Variants in CDK5RAP2 observed in about 807,000 individuals in gnomAD.
CDK5RAP2 encodes CDK5 regulatory subunit associated protein 2.
A neutral mutation model predicts 232.9 loss-of-function variants in CDK5RAP2; 147 were observed. The observed-to-expected ratio is 0.63, with a 90% CI of 0.55 to 0.72. CDK5RAP2 has a LOEUF of 0.72. Among genes scored for constraint, CDK5RAP2 ranks in the 30% least tolerant of loss-of-function variants. CDK5RAP2 has a pLI of 0.00. For synonymous variants in CDK5RAP2, 833 were observed against 833.7 expected, an observed-to-expected ratio of 1.00 and a Z score of 0.01; for missense variants, 2,195 against 2,231.5, an observed-to-expected ratio of 0.98 and a Z score of 0.33.
At chr9:120,517,719 C>T (rs2040400371) in intron 12 of CDK5RAP2, 1 of 179,400 alleles carries the variant, frequency 5.6e-6, no homozygotes, top group Admixed American at 5.5e-5. Context: ...ATACAACAGT[C>T]CTTAAAATAT....
chr9:120,574,636 G>C (rs1209598411), intron 1 of CDK5RAP2, among the ~76,000 whole-genome samples: 1 of 152,168 alleles, frequency 6.6e-6, no homozygotes, highest in Non-Finnish European at 1.5e-5. Context: ...CACAATCTAA[G>C]AAACCTGCCC....
chr9:120,457,358 C>T (rs1564245662), intron 20 of CDK5RAP2, among the ~76,000 whole-genome samples: 2 of 152,210 alleles, frequency 1.3e-5, no homozygotes, highest in Admixed American at 6.5e-5. Context: ...AGTACATTCC[C>T]ACATGGCCCT....
At chr9:120,455,734 G>GT (rs1264878481) in intron 20 of CDK5RAP2, among the ~76,000 whole-genome samples, 1 of 148,866 alleles carries the variant, frequency 6.7e-6, no homozygotes, top group Non-Finnish European at 1.5e-5. Context: ...CAAACCTTGT[G>GT]TCAAAAAAAA....
intron 2 of CDK5RAP2, among the ~76,000 whole-genome samples, chr9:120,569,304 G>T (rs913570912): frequency 6.6e-6 from 1 of 152,204 alleles, no homozygotes; most frequent in Non-Finnish European, 1.5e-5. Flanking sequence ...AAATGCAGCC[G>T]ATAGTCTAGA....
At chr9:120,476,551 T>C (rs977312926) in intron 15 of CDK5RAP2, among the ~76,000 whole-genome samples, 3 of 151,898 alleles carry the variant, frequency 2.0e-5, no homozygotes, top group Admixed American at 2.0e-4. Context: ...TGGTGGTATG[T>C]GCCTGTAGTC....
chr9:120,528,392 T>C (rs1564342546), intron 9 of CDK5RAP2, among the ~76,000 whole-genome samples: 2 of 152,342 alleles, frequency 1.3e-5, no homozygotes, highest in South Asian at 2.1e-4. Context: ...GTGAAAGCAC[T>C]TTCTAAGCTG....
At chr9:120,542,720 A>C (rs2041688037) in intron 5 of CDK5RAP2, among the ~76,000 whole-genome samples, 1 of 152,178 alleles carries the variant, frequency 6.6e-6, no homozygotes, top group African/African-American at 2.4e-5. Flanking sequence ...TTCCTGGCCT[A>C]TAGTCTCTCC....
At chr9:120,408,572 G>A (rs557792831) in intron 30 of CDK5RAP2, 104 bp from the exon 31 acceptor site, 1 of 1,268,218 alleles carries the variant, frequency 7.9e-7, no homozygotes. Flanking sequence ...TCACAAGAGT[G>A]TGGACCAAGA....
chr9:120,519,250 CTA>C (rs1302548658), intron 11 of CDK5RAP2, among the ~76,000 whole-genome samples: 3 of 151,710 alleles, frequency 2.0e-5, no homozygotes, highest in African/African-American at 7.3e-5. Flanking sequence ...TTGGGTGGGA[CTA>C]TAGTTACTTT....
intron 12 of CDK5RAP2, among the ~76,000 whole-genome samples, chr9:120,493,329 G>T (rs1214235853): frequency 6.6e-6 from 1 of 152,254 alleles, no homozygotes; most frequent in Non-Finnish European, 1.5e-5. Context: ...AGCAGCAATA[G>T]AAGCTAATAA....
chr9:120,560,183 G>A (rs2042411873), intron 3 of CDK5RAP2, among the ~76,000 whole-genome samples: 1 of 152,230 alleles, frequency 6.6e-6, no homozygotes, highest in African/African-American at 2.4e-5. Context: ...TTTGCAGTGT[G>A]TGACCTTGGG....
chr9:120,438,556 C>T (rs1258356575), intron 24 of CDK5RAP2, among the ~76,000 whole-genome samples: 1 of 152,180 alleles, frequency 6.6e-6, no homozygotes, highest in African/African-American at 2.4e-5. Flanking sequence ...CTCTGACCAG[C>T]TCTGTGAATG....
intron 3 of CDK5RAP2, among the ~76,000 whole-genome samples, chr9:120,557,988 ACTC>A (rs2042301119): frequency 1.4e-5 from 2 of 147,702 alleles, no homozygotes; most frequent in Non-Finnish European, 3.0e-5. Flanking sequence ...CTGATCTCGA[ACTC>A]CTGACCTCAG....
At chr9:120,532,074 TG>T (rs1299820423) in intron 7 of CDK5RAP2, among the ~76,000 whole-genome samples, 1 of 151,586 alleles carries the variant, frequency 6.6e-6, no homozygotes, top group Non-Finnish European at 1.5e-5. Context: ...GCAGGCCTGG[TG>T]GGGACTCCTG....
intron 10 of CDK5RAP2, 41 bp downstream of exon 10, chr9:120,527,765 G>A: frequency 1.2e-6 from 2 of 1,607,858 alleles, no homozygotes; most frequent in South Asian, 1.1e-5. Flanking sequence ...AGTCATAGAA[G>A]CTAATAAAGA....
At chr9:120,443,858 C>T in intron 22 of CDK5RAP2, 116 bp from the exon 23 acceptor site, 1 of 1,318,942 alleles carries the variant, frequency 7.6e-7, no homozygotes, top group Non-Finnish European at 1.1e-6. Flanking sequence ...ACTGGGGAGG[C>T]AAAATGCAAT....
At chr9:120,448,795 T>C (rs1261643361) in intron 21 of CDK5RAP2, among the ~76,000 whole-genome samples, 1 of 152,300 alleles carries the variant, frequency 6.6e-6, no homozygotes, top group East Asian at 1.9e-4. Context: ...CCACTTTCAC[T>C]ACTCATCAGG....
chr9:120,494,141 A>AG (rs1391309152), intron 12 of CDK5RAP2, among the ~76,000 whole-genome samples: 3 of 151,874 alleles, frequency 2.0e-5, no homozygotes, highest in African/African-American at 7.3e-5. Flanking sequence ...CTCTGCTATC[A>AG]GTCTGAATTC....
chr9:120,493,210 C>T (rs1040180222), intron 12 of CDK5RAP2, among the ~76,000 whole-genome samples: 4 of 152,164 alleles, frequency 2.6e-5, no homozygotes, highest in Admixed American at 1.3e-4. Context: ...GCAGCCCTGC[C>T]GACACCTTGA....
Sources: gnomAD v4.1 joint callset for allele counts (sites outside exome capture counted in the v4.1 genomes callset) on GRCh38, gnomAD v4.1.1 for gene constraint, MANE v1.5 for transcripts, NCBI Gene and HGNC (gene_info 2026-07-23, HGNC 2026-07-21) for gene names.